SEL1L2: variants seen among roughly 807,000 people sequenced by gnomAD.
The protein encoded by SEL1L2 is SEL1L2 adaptor subunit of SYVN1 ubiquitin ligase.
Under a neutral mutation model 98.8 loss-of-function variants are expected in SEL1L2, and 89 were observed. The ratio of observed to expected loss-of-function variants is 0.90; its 90% CI spans 0.76 to 1.07. The LOEUF (loss-of-function observed/expected upper bound fraction) is 1.07, where lower values mean the gene tolerates loss of function less well. Ranked by LOEUF, SEL1L2 falls within the 50% of genes least tolerant of loss-of-function variation. SEL1L2 has a pLI of 0.00. For synonymous variants in SEL1L2, 262 were observed against 278.5 expected (o/e 0.94, Z 0.59); for missense variants, 788 against 812.0 (o/e 0.97, Z 0.36).
intron 3 of SEL1L2, among the ~76,000 whole-genome samples, chr20:13,925,582 T>C (rs994643585): frequency 6.6e-6 from 1 of 152,252 alleles, no homozygotes. Context: ...TATTCATAGC[T>C]CTTCTTTCCG....
intron 1 of SEL1L2, among the ~76,000 whole-genome samples, chr20:13,980,653 C>T (rs940335288): frequency 4.2e-4 from 64 of 152,260 alleles, no homozygotes; most frequent in African/African-American, 1.5e-3. Flanking sequence ...CCAAAGGACT[C>T]GAAATCAGTA....
intron 1 of SEL1L2, among the ~76,000 whole-genome samples, chr20:13,985,825 C>T (rs1395321191): frequency 2.0e-5 from 3 of 152,208 alleles, no homozygotes; most frequent in Non-Finnish European, 4.4e-5. Context: ...CCATACCTCC[C>T]AGGCCTAGGT....
chr20:13,944,570 A>T (rs1244177762), intron 2 of SEL1L2, among the ~76,000 whole-genome samples: 1 of 152,214 alleles, frequency 6.6e-6, no homozygotes, highest in Non-Finnish European at 1.5e-5. Flanking sequence ...TTTGGAGTTC[A>T]GAAAAATCAA....
chr20:13,853,170 A>G (rs1478373974), intron 18 of SEL1L2, among the ~76,000 whole-genome samples: 1 of 152,120 alleles, frequency 6.6e-6, no homozygotes, highest in African/African-American at 2.4e-5. Context: ...TTCAAATAAT[A>G]TGCAGTGTCC....
At chr20:13,949,556 G>T (rs893216079) in intron 2 of SEL1L2, among the ~76,000 whole-genome samples, 1 of 152,060 alleles carries the variant, frequency 6.6e-6, no homozygotes, top group Admixed American at 6.6e-5. Flanking sequence ...CCCAGCTATC[G>T]GGAGGCTGAG....
intron 2 of SEL1L2, among the ~76,000 whole-genome samples, chr20:13,950,659 G>A (rs967620995): frequency 4.6e-5 from 7 of 152,180 alleles, no homozygotes; most frequent in Admixed American, 2.0e-4. Flanking sequence ...GCAAGAAGAT[G>A]TAAGTAATGA....
chr20:13,892,420 A>C (rs1416688601), intron 5 of SEL1L2, among the ~76,000 whole-genome samples: 1 of 151,024 alleles, frequency 6.6e-6, no homozygotes, highest in Non-Finnish European at 1.5e-5. Context: ...GTTGCACTCC[A>C]GCCTGGGCTA....
chr20:13,876,371 A>AATGG (rs1299032140), intron 11 of SEL1L2, among the ~76,000 whole-genome samples: 1 of 151,322 alleles, frequency 6.6e-6, no homozygotes, highest in Non-Finnish European at 1.5e-5. Context: ...AGGGCAAAGA[A>AATGG]ATGGACCCTG....
intron 5 of SEL1L2, among the ~76,000 whole-genome samples, chr20:13,896,023 A>C (rs568567857): frequency 6.6e-6 from 1 of 152,164 alleles, no homozygotes; most frequent in East Asian, 1.9e-4. Context: ...AAATACAAAA[A>C]AATTAGGCAA....
At chr20:13,893,797 C>G (rs1035385830) in intron 5 of SEL1L2, among the ~76,000 whole-genome samples, 6 of 152,136 alleles carry the variant, frequency 3.9e-5, no homozygotes, top group Admixed American at 3.9e-4. Flanking sequence ...CAAGTCTCAA[C>G]AAATTTAAGA....
chr20:13,858,126 G>A (rs6134995), intron 18 of SEL1L2, among the ~76,000 whole-genome samples: 1 of 152,166 alleles, frequency 6.6e-6, no homozygotes. Flanking sequence ...GCAGGCTGCA[G>A]GGGAGGACAG....
intron 1 of SEL1L2, among the ~76,000 whole-genome samples, chr20:13,967,015 G>A (rs1205226243): frequency 2.0e-5 from 3 of 151,360 alleles, no homozygotes; most frequent in East Asian, 2.0e-4. Flanking sequence ...CTGAGTAGCT[G>A]GAACTATAGG....
At position 13,900,001 on chromosome 20, in the gene SEL1L2, T is replaced by C. The variant is rs73085449; in HGVS notation, c.550-11489A>G. Among the ~76,000 whole-genome samples, 670 of 152,354 alleles carry C rather than the reference T, an allele frequency of 4.4e-3. 3 individuals are homozygous for C. Among genetic ancestry groups the C allele is most frequent in the Admixed American group, 0.012 (180 of 15,294 alleles). ...TTCTTATTAAGGCATTTTGGAATGA[T>C]ATTTAAAGATTTTCTTTTTTAAAAA... On this transcript the variant is annotated intron_variant, in intron 5 of 19. Transcript: ENST00000284951.
At chr20:13,977,493 G>T (rs1305034786) in intron 1 of SEL1L2, among the ~76,000 whole-genome samples, 1 of 152,188 alleles carries the variant, frequency 6.6e-6, no homozygotes, top group Non-Finnish European at 1.5e-5. Flanking sequence ...TGGGGGGATA[G>T]ATCTTGGGAT....
Position 13,866,794 on chromosome 20 carries a change from A to G in SEL1L2, c.1312T>C (p.Ser438Pro). Residue 438 changes from serine (S) to proline (P), a missense_variant, in exon 15 of 20, where the codon TCT (serine) becomes CCT (proline). Transcript: ENST00000284951. The stretch of plus-strand genomic sequence containing the variant: ...ATGGCAAGGGGCTGCCCACTCTGAG[A>G]TGCCAGGTAAAAATATTTGAAGGCA... ...KLAFKYFYLA[S>P]QSGQPLAIYY... is the part of the protein sequence containing the mutation. 4 of 1,613,262 alleles carry G rather than the reference A, an allele frequency of 2.5e-6. No homozygotes were observed. Among genetic ancestry groups the G allele is most frequent in the Non-Finnish European group, 3.4e-6 (4 of 1,179,642 alleles).
At chr20:13,953,126 C>T (rs2050350964) in intron 2 of SEL1L2, among the ~76,000 whole-genome samples, 1 of 152,148 alleles carries the variant, frequency 6.6e-6, no homozygotes, top group Non-Finnish European at 1.5e-5. Flanking sequence ...GGGAAGGGAA[C>T]CCAGAAGCTT....
At chr20:13,919,924 C>CAAAAAAAA in intron 3 of SEL1L2, among the ~76,000 whole-genome samples, 1 of 130,192 alleles carries the variant, frequency 7.7e-6, no homozygotes, top group Non-Finnish European at 1.6e-5. Flanking sequence ...GACTCCGTCT[C>CAAAAAAAA]AAAAAAAAAA....
chr20:13,923,983 G>C (rs1322319756), intron 3 of SEL1L2, among the ~76,000 whole-genome samples: 3 of 152,032 alleles, frequency 2.0e-5, no homozygotes, highest in Admixed American at 2.0e-4. Flanking sequence ...TTTATATTTT[G>C]AGATTATGTT....
At chr20:13,969,195 A>T (rs1189432242) in intron 1 of SEL1L2, among the ~76,000 whole-genome samples, 1 of 152,224 alleles carries the variant, frequency 6.6e-6, no homozygotes, top group Non-Finnish European at 1.5e-5. Flanking sequence ...ATAGGCAGCA[A>T]GGTGGCCTGA....
Sources: gnomAD v4.1 joint callset for allele counts (sites outside exome capture counted in the v4.1 genomes callset) on GRCh38, gnomAD v4.1.1 for gene constraint, MANE v1.5 for transcripts, NCBI Gene and HGNC (gene_info 2026-07-23, HGNC 2026-07-21) for gene names.